The following DNAH5 variants were observed in gnomAD, a reference collection of about 807,000 sequenced individuals.
DNAH5 encodes the protein axonemal beta dynein heavy chain 5.
DNAH5 carries 372 observed loss-of-function variants against 518.2 expected under a neutral mutation model. The ratio of observed to expected loss-of-function variants is 0.72; its 90% confidence interval spans 0.66 to 0.78. DNAH5 has a LOEUF of 0.78. Among genes scored for constraint, DNAH5 ranks in the 30% least tolerant of loss-of-function variants. The pLI, the probability that DNAH5 is intolerant of heterozygous loss-of-function variation, is 0.00. For synonymous variants in DNAH5, 2,039 were observed against 2,025.9 expected, an observed-to-expected ratio of 1.01 and a Z score of -0.17; for missense variants, 5,523 against 5,687.0, an observed-to-expected ratio of 0.97 and a Z score of 0.93.
intron 21 of DNAH5, among the ~76,000 whole-genome samples, chr5:13,878,189 C>T (rs537452592): frequency 4.6e-5 from 7 of 152,272 alleles, no homozygotes; most frequent in African/African-American, 1.7e-4. Context: ...GGGGTTAATG[C>T]TATGCACTGA....
intron 21 of DNAH5, among the ~76,000 whole-genome samples, chr5:13,879,875 C>G (rs1771415253): frequency 9.1e-6 from 1 of 110,156 alleles, no homozygotes; most frequent in South Asian, 2.6e-4. Context: ...AAAAGAAAGA[C>G]AGAGGAAACA....
At chr5:13,884,939 C>G (rs746008825) in intron 19 of DNAH5, 50 bp downstream of exon 19, 1 of 1,612,758 alleles carries the variant, frequency 6.2e-7, no homozygotes. Flanking sequence ...CACACATACC[C>G]CAGCAACTAT....
In DNAH5 at chr5:14,008,121, G is replaced by A. The variant is rs567235333; in HGVS notation, c.12+3527C>T. ...CAGGAGGCAGAGGTTGCAGTGAGCC[G>A]AGATCGCGCCATTGCATTCCAGCCT... On this transcript the variant is annotated intron_variant, in intron 1 of 78. Transcript: ENST00000681290. Among the ~76,000 whole-genome samples the A allele has an allele frequency of 9.9e-5, 15 of 150,854 alleles. No individual in the cohort carries two copies. The South Asian group carries it at 3.1e-3, about 32-fold the overall frequency.
intron 33 of DNAH5, among the ~76,000 whole-genome samples, chr5:13,841,353 A>C (rs759905742): frequency 6.6e-6 from 1 of 152,166 alleles, no homozygotes; most frequent in Non-Finnish European, 1.5e-5. Context: ...TTAATGCTGA[A>C]TCTATTTTTC....
intron 1 of DNAH5, among the ~76,000 whole-genome samples, chr5:13,976,831 T>G (rs1284227519): frequency 6.6e-6 from 1 of 152,050 alleles, no homozygotes; most frequent in Non-Finnish European, 1.5e-5. Context: ...ACTGTATTCA[T>G]GCAATTACAA....
intron 38 of DNAH5, among the ~76,000 whole-genome samples, chr5:13,826,514 A>G (rs1259744761): frequency 6.6e-6 from 1 of 152,122 alleles, no homozygotes; most frequent in Non-Finnish European, 1.5e-5. Flanking sequence ...AGTTCTCATA[A>G]GATCTGATGG....
In DNAH5 at chr5:13,917,232, T is replaced by C. The variant is rs774034447; in HGVS notation, c.1000A>G (p.Ile334Val). ...LKTWREMDIR[I>V]TDATNEAKDN... is the part of the protein sequence containing the mutation. ...TTTGCTTCATTAGTTGCATCAGTGA[T>C]TCGAATATCCATCTCCCGCCAAGTC... The change falls in exon 8 of 79, where the codon ATC becomes GTC. Residue 334 changes from isoleucine (I) to valine (V), a missense_variant. Ile to Val is a conservative substitution (Grantham distance 29). Around this residue, in one of 3 missense-constraint regions of DNAH5, gnomAD observed 5,121 missense variants for 5,223.3 expected, o/e 0.98. Coordinates refer to ENST00000265104, the MANE Select transcript of DNAH5 (RefSeq NM_001369.3). 6.2e-7 allele frequency: 1 copy of C among 1,613,960 alleles called. No individual in the cohort carries two copies. The highest frequency in any genetic ancestry group is 8.5e-7 in the Non-Finnish European group (1 of 1,179,938).
chr5:13,827,049 A>C (rs1455839575), intron 38 of DNAH5, among the ~76,000 whole-genome samples: 1 of 152,192 alleles, frequency 6.6e-6, no homozygotes, highest in Non-Finnish European at 1.5e-5. Context: ...AGTGAAGGTC[A>C]CTGTTGCTAT....
At chr5:13,694,417 G>A (rs1042741157) in intron 78 of DNAH5, among the ~76,000 whole-genome samples, 12 of 152,118 alleles carry the variant, frequency 7.9e-5, no homozygotes, top group African/African-American at 2.9e-4. Flanking sequence ...CAGATGATTC[G>A]AAACCATCCC....
At chr5:13,832,808 G>C (rs558984282) in intron 35 of DNAH5, among the ~76,000 whole-genome samples, 1 of 152,158 alleles carries the variant, frequency 6.6e-6, no homozygotes, top group South Asian at 2.1e-4. Context: ...AGGAATTAGA[G>C]ATGCAGAATG....
Position 13,754,307 on chromosome 5 carries a change from TG to T in DNAH5, c.10450del (p.His3484ThrfsTer35). On this transcript the variant is annotated frameshift_variant, in exon 62 of 79. Transcript: ENST00000265104. LOFTEE classifies it high-confidence loss of function. ...GAGCGTGGAAGCTGTCTGCATCTTG[TG>T]TCTGCATCGCTCTGCATCTTCAAGC... ...TLLEDAERCR[H>X]KMQTASTLIS... 6.2e-7 allele frequency: 1 copy of T among 1,614,148 alleles called. No homozygotes were observed. The highest frequency in any genetic ancestry group is 8.5e-7 in the Non-Finnish European group (1 of 1,179,982).
chr5:13,735,348 C>A, intron 67 of DNAH5, 27 bp from the exon 68 acceptor site: 1 of 1,597,484 alleles, frequency 6.3e-7, no homozygotes, highest in Non-Finnish European at 8.6e-7. Flanking sequence ...TTAAATCAGG[C>A]TTATCCCACT....
At chr5:13,752,361 A>G in intron 63 of DNAH5, 72 bp from the exon 64 acceptor site, 1 of 1,532,450 alleles carries the variant, frequency 6.5e-7, no homozygotes, top group Non-Finnish European at 9.0e-7. Flanking sequence ...AACTGTTTTC[A>G]AATGAAGCCT....
chr5:14,003,344 A>G (rs1275571653), intron 1 of DNAH5, among the ~76,000 whole-genome samples: 1 of 152,198 alleles, frequency 6.6e-6, no homozygotes, highest in Non-Finnish European at 1.5e-5. Flanking sequence ...AAGAAAATGG[A>G]TGTGCATTTT....
intron 12 of DNAH5, among the ~76,000 whole-genome samples, chr5:13,906,129 A>AC (rs1161486855): frequency 6.6e-6 from 1 of 152,256 alleles, no homozygotes; most frequent in Non-Finnish European, 1.5e-5. Flanking sequence ...TAGGTGGAGC[A>AC]CAGGGGACTT....
chr5:13,757,000 C>T (rs1380287977), intron 61 of DNAH5, among the ~76,000 whole-genome samples: 1 of 152,142 alleles, frequency 6.6e-6, no homozygotes, highest in Non-Finnish European at 1.5e-5. Flanking sequence ...GGATAATGGC[C>T]TCCAGTTCCA....
chr5:13,776,334 G>A (rs1561227239), intron 55 of DNAH5, 105 bp downstream of exon 55: 1 of 1,459,810 alleles, frequency 6.9e-7, no homozygotes, highest in East Asian at 2.3e-5. Flanking sequence ...TGACATCCTG[G>A]AGCCTGCCTG....
At chr5:13,777,916 T>A (rs1166650146) in intron 53 of DNAH5, among the ~76,000 whole-genome samples, 1 of 152,172 alleles carries the variant, frequency 6.6e-6, no homozygotes, top group African/African-American at 2.4e-5. Context: ...TTGTGAAATA[T>A]CCCAGTCTGA....
At chr5:13,977,181 G>C (rs1047578741) in intron 1 of DNAH5, among the ~76,000 whole-genome samples, 2 of 152,206 alleles carry the variant, frequency 1.3e-5, no homozygotes, top group Non-Finnish European at 2.9e-5. Context: ...ATCACTGGGA[G>C]AGGAGCTGTA....
Sources: allele counts gnomAD v4.1 joint callset (sites outside exome capture counted in the v4.1 genomes callset), GRCh38; gene constraint gnomAD v4.1.1; regional missense constraint gnomAD v4.1.1; transcripts MANE v1.5; gene names NCBI Gene and HGNC (gene_info 2026-07-23, HGNC 2026-07-21).